The following SP2 variants were observed in gnomAD, a reference collection of about 807,000 sequenced individuals.
SP2 encodes transcription factor Sp2.
Under a neutral mutation model 50.1 loss-of-function variants are expected in SP2, and 9 were observed. The observed-to-expected ratio is 0.18, with a 90% CI of 0.11 to 0.31. The LOEUF is 0.31. SP2 is among the 10% of genes least tolerant of loss of function. SP2 has a pLI of 1.00. For missense variants in SP2, 581 were observed against 806.5 expected (o/e 0.72, Z 3.39); for synonymous variants, 313 against 326.6 (o/e 0.96, Z 0.45).
intron 1 of SP2, among the ~76,000 whole-genome samples, chr17:47,901,345 C>T (rs1051022498): frequency 6.6e-6 from 1 of 152,154 alleles, no homozygotes; most frequent in African/African-American, 2.4e-5. Context: ...CGGGGTTTCA[C>T]TGTGTTGGCC....
In SP2 at chr17:47,916,709, C is replaced by G; in HGVS notation, c.638C>G (p.Thr213Ser). ...GGTGGGGGCGGCAATGTGACGCTCA[C>G]TCTGCCCGTCAACAACCTTGTGAAC... Reference protein sequence around the residue: ...LTGGGGNVTLTLPVNNLVNAS... With the variant: ...LTGGGGNVTLSLPVNNLVNAS... The change falls in exon 3 of 7, where the codon ACT (threonine) becomes AGT (serine). Residue 213 changes from threonine to serine, a missense_variant. By Grantham distance (58) the Thr-to-Ser change is moderately conservative. This residue lies in a region of SP2 where 397 missense variants were observed against 491.0 expected (regional missense o/e 0.81). Coordinates refer to ENST00000376741, the MANE Select transcript of SP2 (RefSeq NM_003110.6). The surrounding 1 kb of genome is among the most constrained non-coding windows in gnomAD (Gnocchi z 4.7). 1 of 1,613,430 alleles carries G rather than the reference C, an allele frequency of 6.2e-7. No individual in the cohort carries two copies. Among genetic ancestry groups the G allele is most frequent in the Non-Finnish European group, 8.5e-7 (1 of 1,179,524 alleles).
chr17:47,917,647 G>A, intron 3 of SP2: 1 of 202,012 alleles, frequency 5.0e-6, no homozygotes, highest in South Asian at 5.7e-5. Context: ...TTTGAGATAG[G>A]GTCATACTCT....
intron 6 of SP2, among the ~76,000 whole-genome samples, chr17:47,926,645 C>T (rs2035661024): frequency 6.6e-6 from 1 of 152,036 alleles, no homozygotes; most frequent in Admixed American, 6.6e-5. Context: ...TTGATCCAAG[C>T]TGGGCACAGT....
chr17:47,898,393 A>G (rs1254655357), intron 1 of SP2: 7 of 152,196 alleles, frequency 4.6e-5, no homozygotes, highest in Non-Finnish European at 8.8e-5. Context: ...GAGAAGTTGA[A>G]CAGTCCTTTG....
At chr17:47,896,924 A>AGTGGGC (rs1292933820) in intron 1 of SP2, among the ~76,000 whole-genome samples, 1 of 152,142 alleles carries the variant, frequency 6.6e-6, no homozygotes, top group Admixed American at 6.5e-5. Flanking sequence ...CTCACCGGGG[A>AGTGGGC]GTGGGCAAAA....
chr17:47,906,867 A>G (rs2143836315), intron 1 of SP2, among the ~76,000 whole-genome samples: 1 of 152,304 alleles, frequency 6.6e-6, no homozygotes, highest in African/African-American at 2.4e-5. Context: ...ATGAGTTGGC[A>G]GCCTGTGGAA....
chr17:47,916,751 C>T lies in SP2; in HGVS notation c.680C>T (p.Ala227Val), dbSNP rs2035222543. 2.5e-6 allele frequency: 4 copies of T among 1,613,002 alleles called. No homozygotes were observed. The highest frequency in any genetic ancestry group is 2.2e-5 in the East Asian group (1 of 44,862). ...CTTGTGAACGCCAGTGACACCGGGG[C>T]CCCTACTCAGCTCCTCACTGAAAGC... ...NNLVNASDTG[A>V]PTQLLTESPP... is the part of the protein sequence containing the mutation. Residue 227 changes from alanine (A) to valine (V), a missense_variant, in exon 3 of 7, where the codon GCC becomes GTC. Coordinates refer to ENST00000376741, the MANE Select transcript of SP2 (RefSeq NM_003110.6). The surrounding 1 kb of genome is among the most constrained non-coding windows in gnomAD (Gnocchi z 4.7).
intron 3 of SP2, among the ~76,000 whole-genome samples, chr17:47,918,876 C>T (rs76734632): frequency 6.6e-6 from 1 of 152,158 alleles, no homozygotes; most frequent in Non-Finnish European, 1.5e-5. Context: ...CAGACACGTC[C>T]ATTTGTGTTG....
downstream of SP2, chr17:47,929,012 C>T (rs746353582): frequency 6.6e-6 from 1 of 152,604 alleles, no homozygotes; most frequent in Non-Finnish European, 1.5e-5. Context: ...AGAGGGGACT[C>T]CAGAGGAGGG....
intron 1 of SP2, among the ~76,000 whole-genome samples, chr17:47,911,175 G>A (rs935089287): frequency 8.5e-5 from 13 of 152,072 alleles, no homozygotes; most frequent in East Asian, 3.9e-4. Flanking sequence ...GCGGTGAGCC[G>A]AGATCACGCC....
chr17:47,908,575 A>G (rs1453515163), intron 1 of SP2: 2 of 151,036 alleles, frequency 1.3e-5, no homozygotes, highest in Non-Finnish European at 3.0e-5. Flanking sequence ...TTTTTTTGAG[A>G]TGGAGTCTTG....
chr17:47,916,547 T>A lies in SP2; in HGVS notation c.476T>A (p.Ile159Asn), dbSNP rs2035208894. ...QPNLTNQIQI[I>N]PGTNQAIITP... The stretch of plus-strand genomic sequence containing the variant: ...AATCTCACCAACCAGATCCAGATCA[T>A]CCCTGGCACCAACCAAGCCATCATC... The change falls in exon 3 of 7, where the codon ATC becomes AAC. Residue 159 changes from isoleucine to asparagine, a missense_variant. Ile to Asn is a moderately radical substitution (Grantham distance 149). Around this residue, in one of 2 missense-constraint regions of SP2, gnomAD observed 397 missense variants for 491.0 expected, o/e 0.81. Transcript: ENST00000376741. The surrounding 1 kb of genome is among the most constrained non-coding windows in gnomAD (Gnocchi z 4.7). The A allele has an allele frequency of 6.2e-7, 1 of 1,613,890 alleles. No individual in the cohort carries two copies. Among genetic ancestry groups the A allele is most frequent in the Admixed American group, 1.7e-5 (1 of 59,986 alleles).
At chr17:47,905,083 T>C (rs2034705973) in intron 1 of SP2, among the ~76,000 whole-genome samples, 1 of 152,218 alleles carries the variant, frequency 6.6e-6, no homozygotes, top group African/African-American at 2.4e-5. Context: ...ATAATAGTTA[T>C]TATGATTGCT....
downstream of SP2, among the ~76,000 whole-genome samples, chr17:47,931,542 G>A (rs555039187): frequency 6.6e-6 from 1 of 152,276 alleles, no homozygotes; most frequent in African/African-American, 2.4e-5. Context: ...AGCTGTCCTG[G>A]TCTGAGTGCA....
chr17:47,925,274 G>A (rs2035601505), intron 5 of SP2, 74 bp from the exon 6 acceptor site: 2 of 1,479,608 alleles, frequency 1.4e-6, no homozygotes, highest in East Asian at 2.3e-5. Context: ...ACTGCATCCT[G>A]TTCCTGCCCC....
At chr17:47,906,894 C>A (rs12943152) in intron 1 of SP2, among the ~76,000 whole-genome samples, 1 of 151,976 alleles carries the variant, frequency 6.6e-6, no homozygotes, top group South Asian at 2.1e-4. Context: ...TAAAGCCGTG[C>A]GAGTAGGCAT....
rs752575655 is a variant in SP2 at position 47,916,651 on chromosome 17, G to A, written c.580G>A (p.Val194Met). 1.5e-5 allele frequency: 24 copies of A among 1,613,770 alleles called. No individual in the cohort carries two copies. Among genetic ancestry groups the A allele is most frequent in the Admixed American group, 1.2e-4 (7 of 59,986 alleles). ...IQKSSTTTTP[V>M]QSGANVVKLT... ...GAAGTCGAGTACGACCACCACCCCCGTGCAGAGCGGGGCCAATGTGGTGAA... is the reference window on the plus strand; with the variant it reads ...GAAGTCGAGTACGACCACCACCCCCATGCAGAGCGGGGCCAATGTGGTGAA... The change falls in exon 3 of 7, where the codon GTG (valine) becomes ATG (methionine). Residue 194 changes from valine to methionine, a missense_variant. By Grantham distance (21) the Val-to-Met change is conservative (BLOSUM62 1). This residue lies in a region of SP2 where 397 missense variants were observed against 491.0 expected (regional missense o/e 0.81). Transcript: ENST00000376741. The surrounding 1 kb of genome is among the most constrained non-coding windows in gnomAD (Gnocchi z 4.7).
intron 4 of SP2, among the ~76,000 whole-genome samples, chr17:47,923,793 G>A (rs1427002215): frequency 3.3e-5 from 5 of 151,746 alleles, no homozygotes; most frequent in Admixed American, 2.0e-4. Context: ...GCCCAGGCTG[G>A]AGTGCAGTGG....
At chr17:47,910,387 G>T (rs150907940) in intron 1 of SP2, among the ~76,000 whole-genome samples, 141 of 152,304 alleles carry the variant, frequency 9.3e-4, no homozygotes, top group African/African-American at 3.3e-3. Flanking sequence ...TGCATATGGT[G>T]GGTCTTGATG....
Sources: gnomAD v4.1 joint callset for allele counts (sites outside exome capture counted in the v4.1 genomes callset) on GRCh38, gnomAD v4.1.1 for gene constraint, gnomAD v4.1.1 regional missense constraint, Gnocchi (gnomAD v3.1) non-coding constraint, MANE v1.5 for transcripts, NCBI Gene and HGNC (gene_info 2026-07-23, HGNC 2026-07-21) for gene names.